Variants in MARK1 observed in about 807,000 individuals in gnomAD.
The protein encoded by MARK1 is microtubule affinity regulating kinase 1, also known as serine/threonine-protein kinase MARK1.
MARK1 carries 40 observed loss-of-function variants against 96.3 expected under a neutral mutation model. That is an observed-to-expected ratio of 0.42 (90% CI 0.32 to 0.54). The LOEUF is 0.54. MARK1 is among the 20% of genes least tolerant of loss of function. The pLI is 0.16. For missense variants in MARK1, 719 were observed against 984.6 expected (o/e 0.73, Z 3.61); for synonymous variants, 317 against 341.2 (o/e 0.93, Z 0.78).
At chr1:220,584,036 G>A (rs1664431651) in intron 3 of MARK1, among the ~76,000 whole-genome samples, 1 of 151,862 alleles carries the variant, frequency 6.6e-6, no homozygotes, top group Non-Finnish European at 1.5e-5. Flanking sequence ...ATTTTTCATA[G>A]TTCATAAATT....
chr1:220,618,810 A>C lies in MARK1; in HGVS notation c.909+55A>C. On this transcript the variant is annotated intron_variant, in intron 9 of 17. Coordinates refer to ENST00000366917, the MANE Select transcript of MARK1 (RefSeq NM_018650.5). The surrounding 1 kb of genome is among the most constrained non-coding windows in gnomAD (Gnocchi z 4.6). ...ATTTTAACAATTAAAATATTCCAGG[A>C]ACCGAAGAGCATTTTTCTCCTATGT... is the stretch of plus-strand genomic sequence containing the variant. 1.2e-5 allele frequency: 17 copies of C among 1,448,336 alleles called. No homozygotes were observed. The highest frequency in any genetic ancestry group is 1.6e-5 in the Non-Finnish European group (17 of 1,076,524). The allele number at this position is 1,448,336 out of a possible 1,614,324, so 89.7% of individuals were successfully genotyped here.
chr1:220,551,166 C>G (rs1661827437), intron 1 of MARK1, among the ~76,000 whole-genome samples: 1 of 152,188 alleles, frequency 6.6e-6, no homozygotes, highest in South Asian at 2.1e-4. Flanking sequence ...GCATCTGGAC[C>G]AGAATTCAGA....
At chr1:220,569,753 T>A (rs1461433207) in intron 1 of MARK1, among the ~76,000 whole-genome samples, 1 of 152,108 alleles carries the variant, frequency 6.6e-6, no homozygotes, top group Non-Finnish European at 1.5e-5. Flanking sequence ...TTTTAAAAAG[T>A]TTTTTTCACC....
intron 16 of MARK1, among the ~76,000 whole-genome samples, chr1:220,655,953 T>C (rs942272885): frequency 6.6e-6 from 1 of 152,194 alleles, no homozygotes; most frequent in Non-Finnish European, 1.5e-5. Context: ...TAAGCACTGC[T>C]TTGGCATTGT....
chr1:220,654,370 A>G lies in MARK1; in HGVS notation c.1988+1018A>G, dbSNP rs1669057092. Among the ~76,000 whole-genome samples the G allele has an allele frequency of 6.6e-6, 1 of 152,230 alleles. No homozygotes were observed. Among genetic ancestry groups the G allele is most frequent in the Non-Finnish European group, 1.5e-5 (1 of 68,038 alleles). On this transcript the variant is annotated intron_variant, in intron 16 of 17. Transcript: ENST00000366917. This position sits in a 1 kb window ranked among gnomAD's most constrained non-coding sequence, Gnocchi z 4.0. ...GTGTTTCTAGGATTTCAAAGAGTGG[A>G]TGTGGAAAAGAGAAGAAGCAGCTTC...
chr1:220,600,740 CTT>C (rs1323160574), intron 5 of MARK1, among the ~76,000 whole-genome samples: 1 of 152,086 alleles, frequency 6.6e-6, no homozygotes, highest in Non-Finnish European at 1.5e-5. Context: ...AATAGAAAAA[CTT>C]AGTGTTGAAC....
chr1:220,653,470 C>A, intron 16 of MARK1, 118 bp downstream of exon 16: 2 of 1,104,074 alleles, frequency 1.8e-6, no homozygotes, highest in Non-Finnish European at 2.5e-6. Context: ...TTCATTAGAG[C>A]TGCTCTTTTA....
chr1:220,636,846 T>C (rs139423304), intron 13 of MARK1, among the ~76,000 whole-genome samples: 1,727 of 149,924 alleles, frequency 0.012, 26 homozygotes, highest in African/African-American at 0.041. Context: ...GAGCTTGCAG[T>C]GAGCTGAGAT....
intron 2 of MARK1, 105 bp downstream of exon 2, chr1:220,579,662 A>AT: frequency 1.2e-6 from 1 of 834,530 alleles, no homozygotes; most frequent in Non-Finnish European, 2.0e-6. Flanking sequence ...TTTCAATATG[A>AT]TTAACACTGG....
intron 1 of MARK1, among the ~76,000 whole-genome samples, chr1:220,558,394 A>T (rs1221251360): frequency 6.6e-6 from 1 of 151,558 alleles, no homozygotes; most frequent in Non-Finnish European, 1.5e-5. Flanking sequence ...ACCAGGTAAG[A>T]TAATCAGAAA....
chr1:220,529,224 C>T (rs1660141537), intron 1 of MARK1, among the ~76,000 whole-genome samples: 1 of 152,168 alleles, frequency 6.6e-6, no homozygotes, highest in African/African-American at 2.4e-5. Flanking sequence ...TGCCCCCACC[C>T]GAATGAATGC....
chr1:220,631,837 A>T (rs1445777975), intron 10 of MARK1, among the ~76,000 whole-genome samples: 1 of 152,190 alleles, frequency 6.6e-6, no homozygotes. Context: ...GAAAGAAACC[A>T]CTTCACTAGT....
chr1:220,618,188 T>G lies in MARK1; in HGVS notation c.553-122T>G. On this transcript the variant is annotated intron_variant, in intron 7 of 17. Coordinates refer to ENST00000366917, the MANE Select transcript of MARK1 (RefSeq NM_018650.5). This position sits in a 1 kb window ranked among gnomAD's most constrained non-coding sequence, Gnocchi z 4.6. ...GAAGTACCATACTGGGCTTCTAAAT[T>G]TGATACTACATTTAGAAATGAGGGG... The G allele has an allele frequency of 1.5e-6, 1 of 659,196 alleles. No individual in the cohort carries two copies. The highest frequency in any genetic ancestry group is 2.0e-5 in the South Asian group (1 of 50,988). The allele number at this position is 659,196 out of a possible 1,614,324, so 40.8% of individuals were successfully genotyped here.
intron 6 of MARK1, among the ~76,000 whole-genome samples, chr1:220,609,669 G>A (rs556964782): frequency 1.3e-5 from 2 of 152,260 alleles, no homozygotes; most frequent in Admixed American, 6.5e-5. Flanking sequence ...TTACAATGTG[G>A]CATGTTTTTG....
At chr1:220,579,876 A>G (rs1664116232) in intron 2 of MARK1, among the ~76,000 whole-genome samples, 1 of 152,334 alleles carries the variant, frequency 6.6e-6, no homozygotes, top group East Asian at 1.9e-4. Context: ...CCTCAGGAAC[A>G]AAAGTTCTTG....
intron 1 of MARK1, among the ~76,000 whole-genome samples, chr1:220,558,292 G>T (rs1050137946): frequency 2.0e-5 from 3 of 151,200 alleles, no homozygotes; most frequent in Non-Finnish European, 4.4e-5. Flanking sequence ...AAATTTAAAA[G>T]AATAAAAACT....
chr1:220,631,200 A>G (rs1008851199), intron 10 of MARK1, 66 bp downstream of exon 10: 5 of 1,025,750 alleles, frequency 4.9e-6, no homozygotes, highest in Non-Finnish European at 4.5e-6. Flanking sequence ...TTAGTGTGCC[A>G]AAATAGTGTT....
At chr1:220,587,127 T>G (rs1664673668) in intron 3 of MARK1, among the ~76,000 whole-genome samples, 1 of 151,976 alleles carries the variant, frequency 6.6e-6, no homozygotes, top group Admixed American at 6.6e-5. Context: ...TTTTAAAAAC[T>G]TTTTTTTACA....
intron 3 of MARK1, among the ~76,000 whole-genome samples, chr1:220,596,128 A>G (rs895287208): frequency 1.3e-5 from 2 of 152,220 alleles, no homozygotes; most frequent in Non-Finnish European, 2.9e-5. Context: ...CAACAAATCG[A>G]TGATATTTGA....
Sources: allele counts gnomAD v4.1 joint callset (sites outside exome capture counted in the v4.1 genomes callset), GRCh38; gene constraint gnomAD v4.1.1; non-coding constraint Gnocchi (gnomAD v3.1); transcripts MANE v1.5; gene names NCBI Gene and HGNC (gene_info 2026-07-23, HGNC 2026-07-21).